The following ARHGAP10 variants were observed in gnomAD, a reference collection of about 807,000 sequenced individuals.
The protein encoded by ARHGAP10 is Rho GTPase activating protein 10, also known as rho GTPase-activating protein 10.
ARHGAP10 carries 87 observed loss-of-function variants against 108.6 expected under a neutral mutation model. The observed-to-expected ratio is 0.80, with a 90% confidence interval of 0.67 to 0.96. The LOEUF (loss-of-function observed/expected upper bound fraction) is 0.96, where lower values mean the gene tolerates loss of function less well. Ranked by LOEUF, ARHGAP10 falls within the 40% of genes least tolerant of loss-of-function variation. The pLI, the probability that ARHGAP10 is intolerant of heterozygous loss-of-function variation, is 0.00. For synonymous variants in ARHGAP10, 347 were observed against 341.1 expected, an observed-to-expected ratio of 1.02 and a Z score of -0.19; for missense variants, 939 against 954.5, an observed-to-expected ratio of 0.98 and a Z score of 0.21.
chr4:147,848,696 G>A (rs951842400), intron 4 of ARHGAP10, among the ~76,000 whole-genome samples: 3 of 152,088 alleles, frequency 2.0e-5, no homozygotes, highest in Non-Finnish European at 4.4e-5. Flanking sequence ...TTATATTATG[G>A]AAATGAAAAT....
At chr4:147,867,601 C>T (rs1389584681) in intron 7 of ARHGAP10, among the ~76,000 whole-genome samples, 1 of 152,102 alleles carries the variant, frequency 6.6e-6, no homozygotes, top group African/African-American at 2.4e-5. Flanking sequence ...CACAGTGGTT[C>T]ATGCCTGTAA....
chr4:147,764,920 T>C (rs909406830), intron 1 of ARHGAP10, among the ~76,000 whole-genome samples: 9 of 152,236 alleles, frequency 5.9e-5, no homozygotes, highest in Non-Finnish European at 1.2e-4. Flanking sequence ...TGAGAGTGTT[T>C]TTAAAAGTAA....
intron 1 of ARHGAP10, among the ~76,000 whole-genome samples, chr4:147,812,444 T>G (rs752866367): frequency 3.3e-5 from 5 of 152,082 alleles, no homozygotes; most frequent in Non-Finnish European, 7.4e-5. Context: ...GCCAGCACAT[T>G]CATTTTCTAA....
intron 15 of ARHGAP10, among the ~76,000 whole-genome samples, chr4:147,948,669 A>C (rs907175062): frequency 2.6e-5 from 4 of 152,100 alleles, no homozygotes; most frequent in African/African-American, 9.7e-5. Flanking sequence ...TCAAGAATGC[A>C]TTGTAGGCCG....
Position 147,756,384 on chromosome 4 carries a change from C to T in ARHGAP10, c.154+23929C>T, listed in dbSNP as rs1404379659. ...TCTGGATCTTCTAAAAACAGTTACA[C>T]ACTCTAGAGTGGGCATCTCAGGAGT... is the stretch of plus-strand genomic sequence containing the variant. On this transcript the variant is annotated intron_variant, in intron 1 of 22. Transcript: ENST00000336498. 2.6e-5 allele frequency among the ~76,000 whole-genome samples: 4 copies of T among 152,316 alleles called. No individual in the cohort carries two copies. In the South Asian group the frequency reaches 6.2e-4, roughly 24 times the overall value.
chr4:147,769,516 T>C (rs1560748372), intron 1 of ARHGAP10, among the ~76,000 whole-genome samples: 1 of 152,226 alleles, frequency 6.6e-6, no homozygotes, highest in Non-Finnish European at 1.5e-5. Context: ...AATAAATTCC[T>C]TGTTAACTGA....
At chr4:147,879,017 G>C (rs941678957) in intron 8 of ARHGAP10, among the ~76,000 whole-genome samples, 11 of 152,014 alleles carry the variant, frequency 7.2e-5, no homozygotes, top group Non-Finnish European at 1.3e-4. Flanking sequence ...TGATCCACCC[G>C]CCTCGACCTC....
chr4:147,757,485 C>T (rs1443700115), intron 1 of ARHGAP10, among the ~76,000 whole-genome samples: 7 of 152,140 alleles, frequency 4.6e-5, no homozygotes, highest in African/African-American at 1.4e-4. Context: ...TGTGAGCCAC[C>T]GCGCCTGGCT....
intron 1 of ARHGAP10, among the ~76,000 whole-genome samples, chr4:147,772,324 A>G (rs1029662342): frequency 1.3e-5 from 2 of 152,104 alleles, no homozygotes; most frequent in Admixed American, 1.3e-4. Flanking sequence ...GCCAGTTGAC[A>G]CTTTACATCA....
At chr4:147,734,607 A>C (rs1214167755) in intron 1 of ARHGAP10, among the ~76,000 whole-genome samples, 2 of 152,206 alleles carry the variant, frequency 1.3e-5, no homozygotes, top group Non-Finnish European at 2.9e-5. Context: ...GACTAAAGTC[A>C]GGGGACCTGA....
At chr4:147,858,701 C>T (rs1408012093) in intron 5 of ARHGAP10, among the ~76,000 whole-genome samples, 2 of 152,202 alleles carry the variant, frequency 1.3e-5, no homozygotes, top group Non-Finnish European at 2.9e-5. Context: ...CTCCTGCCCT[C>T]TGTCAATTTT....
intron 20 of ARHGAP10, among the ~76,000 whole-genome samples, chr4:148,049,740 ATG>A (rs1380929028): frequency 2.6e-5 from 4 of 151,674 alleles, no homozygotes; most frequent in Non-Finnish European, 5.9e-5. Flanking sequence ...TATGGAATAA[ATG>A]TTTCTACCTA....
At chr4:147,806,989 G>A (rs1450357477) in intron 1 of ARHGAP10, among the ~76,000 whole-genome samples, 1 of 152,194 alleles carries the variant, frequency 6.6e-6, no homozygotes, top group African/African-American at 2.4e-5. Context: ...CCCGGTGAAA[G>A]GATGCTACGC....
chr4:147,987,176 T>C (rs1469895777), intron 18 of ARHGAP10, among the ~76,000 whole-genome samples: 1 of 152,248 alleles, frequency 6.6e-6, no homozygotes, highest in Non-Finnish European at 1.5e-5. Context: ...TTCTAAACTG[T>C]AAACAAATGT....
chr4:147,953,229 T>C (rs1738676116), intron 15 of ARHGAP10, among the ~76,000 whole-genome samples: 1 of 152,092 alleles, frequency 6.6e-6, no homozygotes, highest in Admixed American at 6.5e-5. Context: ...AGTCTTCTCA[T>C]AATGCCTTTC....
intron 20 of ARHGAP10, among the ~76,000 whole-genome samples, chr4:148,049,172 A>T (rs1325046945): frequency 6.6e-6 from 1 of 152,068 alleles, no homozygotes; most frequent in Non-Finnish European, 1.5e-5. Flanking sequence ...CTTGGACTTG[A>T]GTATGCACCA....
chr4:147,769,930 T>C (rs2126717145), intron 1 of ARHGAP10, among the ~76,000 whole-genome samples: 1 of 152,330 alleles, frequency 6.6e-6, no homozygotes, highest in Non-Finnish European at 1.5e-5. Context: ...TTCATTGAGC[T>C]AAGAATAATT....
At chr4:148,064,348 T>TG (rs1412992151) in intron 21 of ARHGAP10, 68 bp from the exon 22 acceptor site, 5 of 1,417,934 alleles carry the variant, frequency 3.5e-6, no homozygotes, top group Non-Finnish European at 4.9e-6. Flanking sequence ...GAAGGGGGGT[T>TG]GGGGGGTGAA....
chr4:147,826,098 G>C (rs952980172), intron 3 of ARHGAP10, among the ~76,000 whole-genome samples: 1 of 152,200 alleles, frequency 6.6e-6, no homozygotes, highest in African/African-American at 2.4e-5. Context: ...TGCACAAAGG[G>C]CATCATCCTG....
Sources: allele counts gnomAD v4.1 joint callset (sites outside exome capture counted in the v4.1 genomes callset), GRCh38; gene constraint gnomAD v4.1.1; transcripts MANE v1.5; gene names NCBI Gene and HGNC (gene_info 2026-07-23, HGNC 2026-07-21).